STAG1: variants seen among roughly 807,000 people sequenced by gnomAD.
STAG1 encodes the protein cohesin subunit SA-1.
A neutral mutation model predicts 170.9 loss-of-function variants in STAG1; 26 were observed. The ratio of observed to expected loss-of-function variants is 0.15; its 90% CI spans 0.11 to 0.21. The LOEUF (loss-of-function observed/expected upper bound fraction) is 0.21, where lower values mean the gene tolerates loss of function less well. STAG1 is among the 10% of genes least tolerant of loss of function. STAG1 has a pLI of 1.00. For missense variants in STAG1, 964 were observed against 1,509.5 expected (o/e 0.64, Z 5.99); for synonymous variants, 514 against 497.7 (o/e 1.03, Z -0.44).
intron 23 of STAG1, among the ~76,000 whole-genome samples, chr3:136,372,980 G>C (rs897926519): frequency 2.6e-4 from 39 of 152,058 alleles, no homozygotes; most frequent in Non-Finnish European, 4.6e-4. Flanking sequence ...TCTGGTCCTG[G>C]ACTTTTTTTG....
At chr3:136,370,931 G>A (rs986560641) in intron 23 of STAG1, among the ~76,000 whole-genome samples, 12 of 152,140 alleles carry the variant, frequency 7.9e-5, no homozygotes, top group African/African-American at 2.2e-4. Flanking sequence ...CTGAGGAATC[G>A]CCACACTGAC....
chr3:136,361,782 T>G (rs1936871322), intron 26 of STAG1, among the ~76,000 whole-genome samples: 1 of 152,104 alleles, frequency 6.6e-6, no homozygotes, highest in Non-Finnish European at 1.5e-5. Flanking sequence ...TGGCTATTTT[T>G]GTTTTTGTTT....
At chr3:136,498,233 T>TATATATATATATATATATACACACAC in intron 9 of STAG1, among the ~76,000 whole-genome samples, 6 of 57,492 alleles carry the variant, frequency 1.0e-4, no homozygotes, top group East Asian at 2.2e-3. Flanking sequence ...TATATATATA[T>TATATATATATATATATATACACACAC]ACACATACAT....
intron 22 of STAG1, among the ~76,000 whole-genome samples, chr3:136,386,629 T>A (rs1576415679): frequency 1.3e-5 from 2 of 152,104 alleles, no homozygotes; most frequent in East Asian, 3.8e-4. Flanking sequence ...TTTAAATGTG[T>A]GATTCCTTTT....
chr3:136,428,249 G>A lies in STAG1; in HGVS notation c.1651-5205C>T, dbSNP rs146530134. ...GCTGCTAACTCTCAAAAGCCTTGAA[G>A]GGAAAAGATAAACATCAGCTGCCTG... On this transcript the variant is annotated intron_variant, in intron 16 of 33. Coordinates refer to ENST00000383202, the MANE Select transcript of STAG1 (RefSeq NM_005862.3). Among the ~76,000 whole-genome samples the A allele has an allele frequency of 6.6e-3, 1,000 of 152,274 alleles. 12 individuals carry two copies. Among genetic ancestry groups the A allele is most frequent in the African/African-American group, 0.023 (952 of 41,554 alleles).
At chr3:136,387,111 G>C (rs983754304) in intron 22 of STAG1, among the ~76,000 whole-genome samples, 1 of 152,182 alleles carries the variant, frequency 6.6e-6, no homozygotes, top group Non-Finnish European at 1.5e-5. Context: ...GGTACACAAG[G>C]CAAAGAAGTT....
intron 1 of STAG1, among the ~76,000 whole-genome samples, chr3:136,667,237 C>T (rs528834626): frequency 2.6e-5 from 4 of 152,170 alleles, no homozygotes; most frequent in Admixed American, 6.5e-5. Flanking sequence ...TCTTTCAGAA[C>T]ACACATGATA....
chr3:136,674,616 A>G (rs1259856580), intron 1 of STAG1, among the ~76,000 whole-genome samples: 1 of 152,226 alleles, frequency 6.6e-6, no homozygotes, highest in African/African-American at 2.4e-5. Flanking sequence ...CTGAAAATGT[A>G]CACTTACAAT....
chr3:136,500,135 A>T, intron 9 of STAG1, 88 bp downstream of exon 9: 1 of 812,548 alleles, frequency 1.2e-6, no homozygotes, highest in Non-Finnish European at 2.0e-6. Context: ...AATCATAATT[A>T]GTGAGTTTTA....
intron 1 of STAG1, among the ~76,000 whole-genome samples, chr3:136,665,736 C>CTTGTGA (rs547559094): frequency 5.0e-4 from 72 of 144,020 alleles, no homozygotes; most frequent in African/African-American, 1.8e-3. Flanking sequence ...GCCAAGATCA[C>CTTGTGA]GCCACTGCAC....
chr3:136,364,797 A>G (rs1202071275), intron 25 of STAG1, among the ~76,000 whole-genome samples: 1 of 152,218 alleles, frequency 6.6e-6, no homozygotes, highest in Admixed American at 6.5e-5. Context: ...GCCTATGTGA[A>G]GAAGTGATTA....
At chr3:136,356,112 A>G (rs2108276969) in intron 28 of STAG1, among the ~76,000 whole-genome samples, 1 of 147,736 alleles carries the variant, frequency 6.8e-6, no homozygotes, top group South Asian at 2.2e-4. Flanking sequence ...CTGCTCTCAG[A>G]CTCTTGCCCT....
intron 1 of STAG1, among the ~76,000 whole-genome samples, chr3:136,648,646 A>C (rs1267933232): frequency 6.6e-6 from 1 of 152,208 alleles, no homozygotes; most frequent in Non-Finnish European, 1.5e-5. Context: ...CAGTCATCCA[A>C]GCTAGAAAAT....
At chr3:136,489,704 T>C (rs2090085413) in intron 9 of STAG1, among the ~76,000 whole-genome samples, 1 of 152,146 alleles carries the variant, frequency 6.6e-6, no homozygotes, top group Non-Finnish European at 1.5e-5. Flanking sequence ...TGGTATGAAA[T>C]AGCATAGGGA....
intron 1 of STAG1, among the ~76,000 whole-genome samples, chr3:136,737,799 G>A (rs1469306702): frequency 6.6e-6 from 1 of 152,192 alleles, no homozygotes; most frequent in Non-Finnish European, 1.5e-5. Context: ...GCCAGGCGCG[G>A]TGGCTCACGC....
At chr3:136,746,909 C>T (rs2107957499) in intron 1 of STAG1, among the ~76,000 whole-genome samples, 1 of 152,002 alleles carries the variant, frequency 6.6e-6, no homozygotes, top group East Asian at 1.9e-4. Flanking sequence ...CCAGCCTGAC[C>T]AACATGGAAA....
At chr3:136,588,757 T>C (rs1463150168) in intron 4 of STAG1, among the ~76,000 whole-genome samples, 1 of 151,498 alleles carries the variant, frequency 6.6e-6, no homozygotes, top group Non-Finnish European at 1.5e-5. Flanking sequence ...CTATTTTCTG[T>C]TTTTTTTGTT....
intron 22 of STAG1, among the ~76,000 whole-genome samples, chr3:136,383,705 C>G (rs1010673104): frequency 6.6e-6 from 1 of 152,032 alleles, no homozygotes; most frequent in Non-Finnish European, 1.5e-5. Flanking sequence ...CCTGTAATCC[C>G]AGCACTTTGG....
intron 7 of STAG1, among the ~76,000 whole-genome samples, chr3:136,503,056 A>T (rs1331942453): frequency 6.6e-6 from 1 of 152,154 alleles, no homozygotes. Context: ...TATCTTCAAC[A>T]ACTCCTTTCT....
Sources: gnomAD v4.1 joint callset for allele counts (sites outside exome capture counted in the v4.1 genomes callset) on GRCh38, gnomAD v4.1.1 for gene constraint, MANE v1.5 for transcripts, NCBI Gene and HGNC (gene_info 2026-07-23, HGNC 2026-07-21) for gene names.